The following MTMR3 variants were observed in gnomAD, a reference collection of about 807,000 sequenced individuals.
The protein encoded by MTMR3 is myotubularin related protein 3, also known as phosphatidylinositol-3,5-bisphosphate 3-phosphatase MTMR3.
A neutral mutation model predicts 132.4 loss-of-function variants in MTMR3; 32 were observed. That is an observed-to-expected ratio of 0.24 (90% CI 0.18 to 0.32). The LOEUF (loss-of-function observed/expected upper bound fraction) is 0.32. Among genes scored for constraint, MTMR3 ranks in the 10% least tolerant of loss-of-function variants. MTMR3 has a pLI of 1.00. For synonymous variants in MTMR3, 556 were observed against 550.3 expected (o/e 1.01, Z -0.14); for missense variants, 1,216 against 1,489.6 (o/e 0.82, Z 3.02).
chr22:29,915,597 T>C (rs1020238675), intron 1 of MTMR3, among the ~76,000 whole-genome samples: 2 of 152,144 alleles, frequency 1.3e-5, no homozygotes, highest in Non-Finnish European at 2.9e-5. Flanking sequence ...AATTTTTGTA[T>C]ATTTTATGTT....
At chr22:29,949,509 C>CCAA (rs1555902916) in intron 1 of MTMR3, among the ~76,000 whole-genome samples, 6 of 124,594 alleles carry the variant, frequency 4.8e-5, no homozygotes, top group African/African-American at 1.9e-4. Flanking sequence ...CGCCCCCCCC[C>CCAA]AAAAAAAAAA....
At chr22:29,979,091 G>T in intron 5 of MTMR3, 39 bp downstream of exon 5, 1 of 1,375,158 alleles carries the variant, frequency 7.3e-7, no homozygotes, top group South Asian at 1.2e-5. Context: ...AAGGTAAATG[G>T]AGAAAGTAAG....
intron 2 of MTMR3, among the ~76,000 whole-genome samples, chr22:29,962,665 G>A (rs1210522330): frequency 2.0e-5 from 3 of 152,096 alleles, no homozygotes; most frequent in Non-Finnish European, 2.9e-5. Context: ...GGGCAGCAGA[G>A]CAAGACCCTG....
chr22:29,956,457 G>T (rs1371173265), intron 1 of MTMR3, among the ~76,000 whole-genome samples: 2 of 152,036 alleles, frequency 1.3e-5, no homozygotes, highest in Non-Finnish European at 2.9e-5. Context: ...ATGTTCACCA[G>T]GCTGGTCTCT....
intron 5 of MTMR3, chr22:29,980,840 C>G (rs1602617116): frequency 2.0e-5 from 3 of 152,342 alleles, no homozygotes; most frequent in African/African-American, 7.2e-5. Flanking sequence ...TTCACTACTT[C>G]TATGATGAAG....
chr22:29,903,616 T>C (rs2158535), intron 1 of MTMR3, among the ~76,000 whole-genome samples: 5,621 of 152,040 alleles, frequency 0.037, 369 homozygotes, highest in African/African-American at 0.13. Flanking sequence ...CCATCTTGAA[T>C]TCCTGGGCTC....
chr22:29,949,130 CACACACACA>C (rs2066012122), intron 1 of MTMR3, among the ~76,000 whole-genome samples: 1 of 42,124 alleles, frequency 2.4e-5, no homozygotes, highest in African/African-American at 1.2e-4. Context: ...CACACACACA[CACACACACA>C]CACACCCCCC....
intron 2 of MTMR3, among the ~76,000 whole-genome samples, chr22:29,968,697 A>G (rs969127999): frequency 6.6e-6 from 1 of 152,248 alleles, no homozygotes; most frequent in Non-Finnish European, 1.5e-5. Context: ...CAACAATAAA[A>G]TCAAGTTCCA....
chr22:29,909,983 G>A (rs975630143), intron 1 of MTMR3, among the ~76,000 whole-genome samples: 2 of 151,824 alleles, frequency 1.3e-5, no homozygotes, highest in Non-Finnish European at 2.9e-5. Flanking sequence ...GTGAAACCCC[G>A]TCTCTACTAA....
chr22:29,896,867 T>A (rs1278564372), intron 1 of MTMR3, among the ~76,000 whole-genome samples: 2 of 36,676 alleles, frequency 5.5e-5, no homozygotes, highest in African/African-American at 1.2e-4. Flanking sequence ...AACAGGCTTG[T>A]CTCACACACA....
chr22:29,939,767 A>C (rs1183054943), intron 1 of MTMR3, among the ~76,000 whole-genome samples: 1 of 152,138 alleles, frequency 6.6e-6, no homozygotes, highest in East Asian at 1.9e-4. Context: ...AACTGTTAGT[A>C]ATAAGAGTAG....
At chr22:30,021,021 G>C (rs981565277) in intron 17 of MTMR3, 137 bp downstream of exon 17, 1 of 883,566 alleles carries the variant, frequency 1.1e-6, no homozygotes, top group Admixed American at 2.9e-5. Context: ...CCTGTTAAGA[G>C]AGGCTGGAGA....
chr22:30,007,008 C>T (rs1249626273), intron 9 of MTMR3, 106 bp from the exon 10 acceptor site: 2 of 1,195,104 alleles, frequency 1.7e-6, no homozygotes, highest in Non-Finnish European at 2.4e-6. Context: ...GCTGACCCAA[C>T]ACTTACCTAG....
At chr22:29,896,869 T>TCACA (rs61038012) in intron 1 of MTMR3, among the ~76,000 whole-genome samples, 4,779 of 138,148 alleles carry the variant, frequency 0.035, 171 homozygotes, top group East Asian at 0.071. Context: ...CAGGCTTGTC[T>TCACA]CACACACACA....
chr22:29,939,340 A>C (rs778585402), intron 1 of MTMR3, among the ~76,000 whole-genome samples: 11 of 152,214 alleles, frequency 7.2e-5, no homozygotes, highest in Non-Finnish European at 1.5e-4. Flanking sequence ...AAGATGGGAA[A>C]GGGACTTTGT....
At chr22:29,957,282 A>T (rs1276032730) in intron 2 of MTMR3, among the ~76,000 whole-genome samples, 194 bp downstream of exon 2, 2 of 144,712 alleles carry the variant, frequency 1.4e-5, no homozygotes, top group Admixed American at 6.8e-5. Flanking sequence ...TTTCACTAGG[A>T]CTCATACCAG....
intron 2 of MTMR3, among the ~76,000 whole-genome samples, chr22:29,967,230 T>C (rs370232085): frequency 3.9e-4 from 37 of 94,262 alleles, no homozygotes; most frequent in African/African-American, 8.5e-4. Context: ...TGTGTGTGTG[T>C]GTGCATGCGC....
chr22:29,921,996 T>C (rs939588339), intron 1 of MTMR3, among the ~76,000 whole-genome samples: 1 of 151,718 alleles, frequency 6.6e-6, no homozygotes, highest in Non-Finnish European at 1.5e-5. Context: ...ACTACAAGTA[T>C]GCGGCACCAC....
chr22:29,957,225 GT>G (rs2066211904), intron 2 of MTMR3, 137 bp downstream of exon 2: 1 of 145,026 alleles, frequency 6.9e-6, no homozygotes, highest in Admixed American at 6.9e-5. Context: ...ATTTAGATGA[GT>G]TTTTCTATGT....
Sources: allele counts gnomAD v4.1 joint callset (sites outside exome capture counted in the v4.1 genomes callset), GRCh38; gene constraint gnomAD v4.1.1; transcripts MANE v1.5; gene names NCBI Gene and HGNC (gene_info 2026-07-23, HGNC 2026-07-21).